The following RGS7 variants were observed in gnomAD, a reference collection of about 807,000 sequenced individuals.
The protein encoded by RGS7 is regulator of G protein signaling 7.
Under a neutral mutation model 81.1 loss-of-function variants are expected in RGS7, and 27 were observed. That is an observed-to-expected ratio of 0.33 (90% CI 0.25 to 0.46). The LOEUF (loss-of-function observed/expected upper bound fraction) is 0.46, where lower values mean the gene tolerates loss of function less well. Among genes scored for constraint, RGS7 ranks in the 20% least tolerant of loss-of-function variants. The probability of loss-of-function intolerance (pLI) is 1.00; values close to 1 mark genes in which losing one functional copy is unlikely to be tolerated. For synonymous variants in RGS7, 208 were observed against 207.7 expected, an observed-to-expected ratio of 1.00 and a Z score of -0.01; for missense variants, 396 against 607.4, an observed-to-expected ratio of 0.65 and a Z score of 3.66.
chr1:241,233,800 G>GTT (rs148344377), intron 2 of RGS7, among the ~76,000 whole-genome samples: 7 of 143,562 alleles, frequency 4.9e-5, no homozygotes, highest in Non-Finnish European at 4.6e-5. Context: ...TTTTAGTTTA[G>GTT]TTTTTTTTTT....
chr1:240,853,878 GC>G (rs551290401), intron 9 of RGS7, among the ~76,000 whole-genome samples: 45 of 119,554 alleles, frequency 3.8e-4, no homozygotes, highest in South Asian at 2.9e-3. Context: ...TCCAGCCTGG[GC>G]GACAGAGCAA....
At chr1:241,273,098 A>ACATAATTC (rs2078000947) in intron 2 of RGS7, among the ~76,000 whole-genome samples, 1 of 151,800 alleles carries the variant, frequency 6.6e-6, no homozygotes, top group Non-Finnish European at 1.5e-5. Flanking sequence ...ATGTTTCTTC[A>ACATAATTC]CATAATTCAT....
At chr1:240,871,273 T>TA (rs950637123) in intron 6 of RGS7, among the ~76,000 whole-genome samples, 1 of 152,200 alleles carries the variant, frequency 6.6e-6, no homozygotes, top group African/African-American at 2.4e-5. Flanking sequence ...TTACTTATTG[T>TA]AAGTCTACCT....
At chr1:240,782,026 A>AAG (rs1553299947) in intron 18 of RGS7, among the ~76,000 whole-genome samples, 5 of 152,084 alleles carry the variant, frequency 3.3e-5, no homozygotes, top group Non-Finnish European at 5.9e-5. Context: ...AAAAAAAAAA[A>AAG]AGAGATCTTA....
chr1:240,863,909 T>C (rs2147997154), intron 9 of RGS7, among the ~76,000 whole-genome samples: 1 of 152,356 alleles, frequency 6.6e-6, no homozygotes, highest in East Asian at 1.9e-4. Context: ...TTCTATTTAT[T>C]CTTTCTTTTT....
chr1:241,189,963 C>T lies in RGS7; in HGVS notation c.79-91201G>A, dbSNP rs542989878. On this transcript the variant is annotated intron_variant, in intron 2 of 18. Transcript: ENST00000440928. ...CTAAAAATACAAAAATTTAGCCGGG[C>T]GCGGTGGTGGGCACCTGTAGTCCCA... 8.1e-4 allele frequency among the ~76,000 whole-genome samples: 124 copies of T among 152,184 alleles called. 1 individual carries two copies. Among genetic ancestry groups the T allele is most frequent in the Non-Finnish European group, 1.4e-3 (95 of 68,018 alleles).
At chr1:241,304,662 T>C (rs1376756006) in intron 2 of RGS7, among the ~76,000 whole-genome samples, 1 of 152,352 alleles carries the variant, frequency 6.6e-6, no homozygotes, top group African/African-American at 2.4e-5. Flanking sequence ...CTCTGAGTTA[T>C]ATACTTAATG....
At chr1:240,887,369 C>A (rs1245820869) in intron 6 of RGS7, among the ~76,000 whole-genome samples, 3 of 151,870 alleles carry the variant, frequency 2.0e-5, no homozygotes, top group Non-Finnish European at 4.4e-5. Context: ...GCTGGGACTG[C>A]AGGCCCCTGC....
Position 241,143,606 on chromosome 1 carries a change from T to C in RGS7, c.79-44844A>G, listed in dbSNP as rs904904007. Among the ~76,000 whole-genome samples the C allele has an allele frequency of 6.5e-4, 99 of 152,128 alleles. 1 individual carries two copies. The highest frequency in any genetic ancestry group is 2.3e-3 in the African/African-American group (95 of 41,432). On this transcript the variant is annotated intron_variant, in intron 2 of 18. Transcript: ENST00000440928. ...TCAATCACTTCCCACCAGGTCCCTC[T>C]CACAACATGTGGGAATTCAAGATGA...
At chr1:240,813,796 G>A (rs1572211540) in intron 12 of RGS7, 68 bp from the exon 13 acceptor site, 1 of 986,290 alleles carries the variant, frequency 1.0e-6, no homozygotes, top group Admixed American at 1.9e-5. Context: ...CCAAAGCAGG[G>A]AAAACAATAT....
In RGS7 at chr1:241,221,006, A is replaced by AAGG. The variant is rs1558203524; in HGVS notation, c.79-122245_79-122244insCCT. Among the ~76,000 whole-genome samples, 229 of 84,450 alleles carry AAGG rather than the reference A, an allele frequency of 2.7e-3. 2 individuals carry two copies. The highest frequency in any genetic ancestry group is 3.4e-3 in the Non-Finnish European group (137 of 40,802). 55.4% of individuals were successfully genotyped at this position (84,450 alleles called of 152,430 possible). On this transcript the variant is annotated intron_variant, in intron 2 of 18. Coordinates refer to ENST00000440928, the MANE Select transcript of RGS7 (RefSeq NM_001364886.1). ...GGAAGGAAGGAAGGAAGAGAGAGAGAAAGGAAGGAAGGAAGGAAGGAAGGA... is the reference window on the plus strand; with the variant it reads ...GGAAGGAAGGAAGGAAGAGAGAGAGAAGGAAGGAAGGAAGGAAGGAAGGAAGGA...
chr1:241,137,843 AT>A (rs1318597215), intron 2 of RGS7, among the ~76,000 whole-genome samples: 2 of 152,240 alleles, frequency 1.3e-5, no homozygotes, highest in Non-Finnish European at 2.9e-5. Flanking sequence ...GAAGGCCTTC[AT>A]GTGAAAAGAT....
At chr1:241,356,798 C>G (rs2083608850) in intron 1 of RGS7, 101 bp downstream of exon 1, 2 of 149,806 alleles carry the variant, frequency 1.3e-5, no homozygotes, top group Admixed American at 6.6e-5. Flanking sequence ...GCCCTGCGCC[C>G]GCGGACGCTC....
Position 240,983,073 on chromosome 1 carries a change from A to G in RGS7, c.226+6T>C, listed in dbSNP as rs759139462. 2 of 1,503,930 alleles carry G rather than the reference A, an allele frequency of 1.3e-6. No individual in the cohort carries two copies. Among genetic ancestry groups the G allele is most frequent in the Admixed American group, 1.7e-5 (1 of 59,472 alleles). 93.2% of individuals were successfully genotyped at this position (1,503,930 alleles called of 1,614,324 possible). On this transcript the variant is annotated splice_donor_region_variant and intron_variant, in intron 4 of 18. Transcript: ENST00000440928. ...AGTTCTTGCAATGGGAAAATGATTT[A>G]TTTACCTGGATCTTCTATAGTTAAG...
intron 2 of RGS7, among the ~76,000 whole-genome samples, chr1:241,215,412 C>A (rs1419280279): frequency 6.6e-6 from 1 of 152,200 alleles, no homozygotes; most frequent in Non-Finnish European, 1.5e-5. Flanking sequence ...CTCTGTTAGG[C>A]TCTTTCAGCC....
At chr1:240,790,435 A>C (rs1283164597) in intron 18 of RGS7, among the ~76,000 whole-genome samples, 1 of 152,184 alleles carries the variant, frequency 6.6e-6, no homozygotes, top group African/African-American at 2.4e-5. Flanking sequence ...TGCTGGGATT[A>C]CAGGCACAAG....
intron 2 of RGS7, among the ~76,000 whole-genome samples, chr1:241,246,890 T>C (rs2076576076): frequency 1.3e-5 from 2 of 151,900 alleles, no homozygotes; most frequent in Non-Finnish European, 2.9e-5. Context: ...ACGTCAGCTG[T>C]GGCCCTTGCG....
At chr1:241,189,722 G>A (rs183846106) in intron 2 of RGS7, among the ~76,000 whole-genome samples, 5 of 152,268 alleles carry the variant, frequency 3.3e-5, no homozygotes, top group Admixed American at 3.3e-4. Context: ...GAGACTTGAG[G>A]TTCATTTATT....
At chr1:240,822,216 T>C (rs573233084) in intron 10 of RGS7, among the ~76,000 whole-genome samples, 1 of 152,332 alleles carries the variant, frequency 6.6e-6, no homozygotes, top group East Asian at 1.9e-4. Context: ...GTCTCCAGAC[T>C]GCCTTTTTTG....
Sources: gnomAD v4.1 joint callset for allele counts (sites outside exome capture counted in the v4.1 genomes callset) on GRCh38, gnomAD v4.1.1 for gene constraint, MANE v1.5 for transcripts, NCBI Gene and HGNC (gene_info 2026-07-23, HGNC 2026-07-21) for gene names.